P2RX7: variants seen among roughly 807,000 people sequenced by gnomAD.
The protein encoded by P2RX7 is P2X purinoceptor 7.
P2RX7 carries 62 observed loss-of-function variants against 71.6 expected under a neutral mutation model. The observed-to-expected ratio is 0.87, with a 90% CI of 0.71 to 1.07. P2RX7 has a LOEUF of 1.07. P2RX7 is among the 50% of genes least tolerant of loss of function. The probability of loss-of-function intolerance (pLI) is 0.00; values close to 1 mark genes in which losing one functional copy is unlikely to be tolerated. For synonymous variants in P2RX7, 299 were observed against 283.3 expected, an observed-to-expected ratio of 1.06 and a Z score of -0.56; for missense variants, 686 against 748.5, an observed-to-expected ratio of 0.92 and a Z score of 0.97.
At position 121,154,079 on chromosome 12, in the gene P2RX7, C is replaced by T. The variant is rs1878061867; in HGVS notation, c.126-706C>T. ...TGGAGGCTGCAGTGAGCTACGATCA[C>T]GCCACTGCCCTCCAGCCTGGGCAAC... On this transcript the variant is annotated intron_variant, in intron 1 of 12. Transcript: ENST00000328963. This position sits in a 1 kb window ranked among gnomAD's most constrained non-coding sequence, Gnocchi z 4.2. Among the ~76,000 whole-genome samples, 2 of 151,308 alleles carry T rather than the reference C, an allele frequency of 1.3e-5. No homozygotes were observed. Among genetic ancestry groups the T allele is most frequent in the South Asian group, 4.2e-4 (2 of 4,782 alleles).
intron 5 of P2RX7, 133 bp downstream of exon 5, chr12:121,162,653 C>A: frequency 2.1e-6 from 2 of 959,870 alleles, no homozygotes; most frequent in African/African-American, 1.6e-5. Flanking sequence ...GGGACCCCTG[C>A]GCTCTGGATG....
At chr12:121,164,832 C>T (rs111337093) in intron 5 of P2RX7, among the ~76,000 whole-genome samples, 3,271 of 151,864 alleles carry the variant, frequency 0.022, 53 homozygotes, top group South Asian at 0.066. Context: ...AAATACTTTA[C>T]GAAAAAAAAG....
intron 3 of P2RX7, among the ~76,000 whole-genome samples, chr12:121,159,417 C>CAAAA (rs397850013): frequency 8.5e-4 from 56 of 65,708 alleles, no homozygotes; most frequent in South Asian, 7.4e-3. Flanking sequence ...ACTCTGTCTC[C>CAAAA]AAAAAAAAAA....
At chr12:121,134,045 G>C (rs1255441536) in intron 1 of P2RX7, among the ~76,000 whole-genome samples, 1 of 152,076 alleles carries the variant, frequency 6.6e-6, no homozygotes, top group Non-Finnish European at 1.5e-5. Flanking sequence ...CCTTTTTACG[G>C]CTGAGTAGTA....
chr12:121,142,563 A>T (rs1875161795), intron 1 of P2RX7, among the ~76,000 whole-genome samples: 1 of 151,956 alleles, frequency 6.6e-6, no homozygotes, highest in Non-Finnish European at 1.5e-5. Flanking sequence ...GTGGGTCTTG[A>T]ACACCTGGGC....
intron 3 of P2RX7, among the ~76,000 whole-genome samples, chr12:121,158,505 A>G (rs1879030050): frequency 6.6e-6 from 1 of 152,168 alleles, no homozygotes; most frequent in Non-Finnish European, 1.5e-5. Flanking sequence ...AAAACAAAAC[A>G]AAAAAATAGA....
At chr12:121,155,546 G>C (rs1878403822) in intron 2 of P2RX7, among the ~76,000 whole-genome samples, 1 of 152,158 alleles carries the variant, frequency 6.6e-6, no homozygotes, top group Non-Finnish European at 1.5e-5. Flanking sequence ...AAGGGGGCGA[G>C]AGGGACAAAG....
At chr12:121,183,457 G>C (rs1278053385) in intron 12 of P2RX7, among the ~76,000 whole-genome samples, 2 of 150,896 alleles carry the variant, frequency 1.3e-5, no homozygotes, top group African/African-American at 4.9e-5. Flanking sequence ...TGTAGTCCCA[G>C]CTACTCAGGA....
At chr12:121,161,764 C>T (rs927077085) in intron 4 of P2RX7, among the ~76,000 whole-genome samples, 5 of 133,012 alleles carry the variant, frequency 3.8e-5, no homozygotes, top group African/African-American at 1.5e-4. Flanking sequence ...TGCACTCCAG[C>T]ATGGGTGACA....
Position 121,185,833 on chromosome 12 carries a change from A to T in P2RX7, c.*1031A>T, listed in dbSNP as rs555710623. The T allele has an allele frequency of 2.0e-5, 3 of 152,278 alleles. No homozygotes were observed. Among genetic ancestry groups the T allele is most frequent in the African/African-American group, 7.2e-5 (3 of 41,528 alleles). The allele number at this position is 152,278 out of a possible 1,614,324, so 9.4% of individuals were successfully genotyped here. A position where few individuals can be genotyped will look rare whatever the true frequency, so the allele number is the denominator to read the frequency against. On this transcript the variant is annotated 3_prime_UTR_variant, in exon 13 of 13. Transcript: ENST00000328963. ...CACTTTGGGAGACCAAGGCGGGCGGATCACTTAAAGTCAGGAGTCCAAGAC... is the reference window on the plus strand; with the variant it reads ...CACTTTGGGAGACCAAGGCGGGCGGTTCACTTAAAGTCAGGAGTCCAAGAC...
At chr12:121,177,108 T>C in intron 9 of P2RX7, 39 bp from the exon 10 acceptor site, 2 of 1,585,526 alleles carry the variant, frequency 1.3e-6, no homozygotes, top group Non-Finnish European at 1.7e-6. Flanking sequence ...AGCGTTGCTC[T>C]GAATTTCACC....
chr12:121,184,915 T>G lies in P2RX7; in HGVS notation c.*113T>G. On this transcript the variant is annotated 3_prime_UTR_variant, in exon 13 of 13. Transcript: ENST00000328963. ...GCCTGGCTAACAAGGCGAAATCCTG[T>G]CTGTACTAAAAATACAAAAATCAGC... is the stretch of plus-strand genomic sequence containing the variant. The G allele has an allele frequency of 1.2e-6, 1 of 809,272 alleles. No homozygotes were observed. 50.1% of individuals were successfully genotyped at this position (809,272 alleles called of 1,614,324 possible). A position where few individuals can be genotyped will look rare whatever the true frequency, so the allele number is the denominator to read the frequency against.
intron 1 of P2RX7, among the ~76,000 whole-genome samples, chr12:121,146,357 A>G (rs2116499): frequency 0.17 from 23,671 of 141,584 alleles, 2,353 homozygotes; most frequent in East Asian, 0.32. Flanking sequence ...GCATGGCACA[A>G]TCTCAGCTCA....
intron 1 of P2RX7, among the ~76,000 whole-genome samples, chr12:121,148,833 G>T (rs1876803142): frequency 6.6e-6 from 1 of 152,212 alleles, no homozygotes. Context: ...AAGAGATGCA[G>T]AGGCTGCACG....
intron 3 of P2RX7, among the ~76,000 whole-genome samples, chr12:121,156,959 G>A (rs1878697994): frequency 6.6e-6 from 1 of 152,188 alleles, no homozygotes; most frequent in Non-Finnish European, 1.5e-5. Flanking sequence ...TTCAAGACCA[G>A]CCTGGGCAAC....
At position 121,162,491 on chromosome 12, in the gene P2RX7, C is replaced by T. The variant is rs1169737; in HGVS notation, c.504C>T (p.Cys168=). 34,104 of 1,613,420 alleles carry T rather than the reference C, an allele frequency of 0.021. 432 individuals carry two copies. The highest frequency in any genetic ancestry group is 0.026 in the Non-Finnish European group (30,161 of 1,179,906). ...AGACCTGTGAAGTCTCTGCCTGGTGCCCCATCGAGGCAGTGGAAGAGGCCC... is the reference window on the plus strand; with the variant it reads ...AGACCTGTGAAGTCTCTGCCTGGTGTCCCATCGAGGCAGTGGAAGAGGCCC... ...NQKTCEVSAW[C]PIEAVEEAPR... is the part of the protein sequence containing the mutation. The change falls in exon 5 of 13, where the codon TGC becomes TGT. Residue 168 remains cysteine, a synonymous_variant. Coordinates refer to ENST00000328963, the MANE Select transcript of P2RX7 (RefSeq NM_002562.6).
At chr12:121,183,462 T>A (rs1884458718) in intron 12 of P2RX7, among the ~76,000 whole-genome samples, 1 of 150,646 alleles carries the variant, frequency 6.6e-6, no homozygotes, top group Non-Finnish European at 1.5e-5. Context: ...TCCCAGCTAC[T>A]CAGGAGGCTG....
intron 3 of P2RX7, among the ~76,000 whole-genome samples, chr12:121,157,716 C>T (rs1429979663): frequency 6.6e-6 from 1 of 152,184 alleles, no homozygotes; most frequent in African/African-American, 2.4e-5. Context: ...GAAGCTAGAC[C>T]GCTAAAGGTT....
In P2RX7 at chr12:121,162,924, G is replaced by A. The variant is rs117464188; in HGVS notation, c.533+404G>A. Among the ~76,000 whole-genome samples the A allele has an allele frequency of 5.9e-3, 890 of 152,122 alleles. 13 individuals are homozygous for A. Among genetic ancestry groups the A allele is most frequent in the East Asian group, 0.046 (237 of 5,164 alleles). On this transcript the variant is annotated intron_variant, in intron 5 of 12. Coordinates refer to ENST00000328963, the MANE Select transcript of P2RX7 (RefSeq NM_002562.6). ...GGGAGATGGAAGGGAAGGACGAAGC[G>A]AGGAAAGAGAAGGGGAAGGGGAGGA...
Sources: gnomAD v4.1 joint callset for allele counts (sites outside exome capture counted in the v4.1 genomes callset) on GRCh38, gnomAD v4.1.1 for gene constraint, Gnocchi (gnomAD v3.1) non-coding constraint, MANE v1.5 for transcripts, NCBI Gene and HGNC (gene_info 2026-07-23, HGNC 2026-07-21) for gene names.